KDM6B: variants seen among roughly 807,000 people sequenced by gnomAD.
The protein encoded by KDM6B is lysine demethylase 6B, also known as lysine-specific demethylase 6B.
KDM6B carries 22 observed loss-of-function variants against 150.4 expected under a neutral mutation model. That is an observed-to-expected ratio of 0.15 (90% CI 0.10 to 0.21). KDM6B has a LOEUF of 0.21. Among genes scored for constraint, KDM6B ranks in the 10% least tolerant of loss-of-function variants. The probability of loss-of-function intolerance (pLI) is 1.00; values close to 1 mark genes in which losing one functional copy is unlikely to be tolerated. For missense variants in KDM6B, 1,984 were observed against 2,234.3 expected (o/e 0.89, Z 2.26); for synonymous variants, 1,148 against 921.1 (o/e 1.25, Z -4.46).
In KDM6B at chr17:7,851,711, C is replaced by T. The variant is rs374391980; in HGVS notation, c.4080C>T (p.Gly1360=). The T allele has an allele frequency of 4.9e-5, 76 of 1,563,496 alleles. No homozygotes were observed. Among genetic ancestry groups the T allele is most frequent in the Non-Finnish European group, 5.8e-5 (67 of 1,154,736 alleles). The change falls in exon 18 of 24, where the codon GGC becomes GGT. Residue 1360 remains glycine, a synonymous_variant. Coordinates refer to ENST00000448097, the MANE Select transcript of KDM6B (RefSeq NM_001348716.2). ...CCTTCATGCGGGTAACATCCACGGG[C>T]AACATGCTGAGCCACGTGGGCCACA... ...LPAFMRVTST[G]NMLSHVGHTI... is the part of the protein sequence containing the mutation.
At position 7,843,816 on chromosome 17, in the gene KDM6B, G is replaced by A. The variant is rs942534770; in HGVS notation, c.-268-1085G>A. ...GACGCCGGGTAGGCAAGGAGGAGGC[G>A]CGGGGACGCAGCTCCTGGGCTCAGA... On this transcript the variant is annotated intron_variant, in intron 2 of 23. Coordinates refer to ENST00000448097, the MANE Select transcript of KDM6B (RefSeq NM_001348716.2). The surrounding 1 kb of genome is among the most constrained non-coding windows in gnomAD (Gnocchi z 4.5). 6.6e-6 allele frequency among the ~76,000 whole-genome samples: 1 copy of A among 152,148 alleles called. No homozygotes were observed. Among genetic ancestry groups the A allele is most frequent in the African/African-American group, 2.4e-5 (1 of 41,436 alleles).
In KDM6B at chr17:7,847,428, G is replaced by C. The variant is rs1398547191; in HGVS notation, c.1233G>C (p.Arg411=). Residue 411 remains arginine (R), a synonymous_variant, in exon 11 of 24, where the codon CGG becomes CGC. Transcript: ENST00000448097. ...SSSSSSNTGL[R]GVEPNPGIPG... ...GCAGCAGCAGCAACACTGGTCTCCG[G>C]GGCGTGGAGCCGAACCCAGGCATTG... 6.2e-7 allele frequency: 1 copy of C among 1,613,642 alleles called. No individual in the cohort carries two copies. Among genetic ancestry groups the C allele is most frequent in the Non-Finnish European group, 8.5e-7 (1 of 1,179,940 alleles).
Position 7,848,743 on chromosome 17 carries a change from C to T in KDM6B, c.2455C>T (p.Arg819Trp), listed in dbSNP as rs202234496. 1.6e-5 allele frequency: 26 copies of T among 1,612,890 alleles called. No homozygotes were observed. The highest frequency in any genetic ancestry group is 6.6e-5 in the South Asian group (6 of 91,070). The change falls in exon 12 of 24, where the codon CGG (arginine) becomes TGG (tryptophan). Residue 819 changes from arginine to tryptophan, a missense_variant. Physicochemically the swap from Arg to Trp is moderately radical, Grantham distance 101. Transcript: ENST00000448097. ...SVLEGQKYCY[R>W]GTGAAVSTRP... The stretch of plus-strand genomic sequence containing the variant: ...GCTGGAGGGACAAAAGTACTGTTAT[C>T]GGGGGACTGGAGCAGCTGTTTCCAC...
chr17:7,842,145 G>A (rs1312463776), intron 2 of KDM6B, among the ~76,000 whole-genome samples: 2 of 152,240 alleles, frequency 1.3e-5, no homozygotes, highest in African/African-American at 4.8e-5. Context: ...GCTGCGCGGA[G>A]GGGCTCCTCG....
intron 18 of KDM6B, 41 bp from the exon 19 acceptor site, chr17:7,851,910 C>G (rs1288487627): frequency 4.4e-6 from 7 of 1,607,924 alleles, no homozygotes; most frequent in Non-Finnish European, 5.9e-6. Context: ...GATCGCAGTT[C>G]CGACCTGGCC....
chr17:7,845,707 CCT>C lies in KDM6B; in HGVS notation c.137+19_137+20del, dbSNP rs2078518571. 1 of 1,614,084 alleles carries C rather than the reference CCT, an allele frequency of 6.2e-7. No homozygotes were observed. The highest frequency in any genetic ancestry group is 1.3e-5 in the African/African-American group (1 of 75,044). ...CTGGAGGCAGGTGAGAAGTTGGGGC[CCT>C]CTGTCTCCAGGCACACCTCTTTCCA... On this transcript the variant is annotated intron_variant, in intron 5 of 23. Transcript: ENST00000448097.
At position 7,849,393 on chromosome 17, in the gene KDM6B, G is replaced by A; in HGVS notation, c.3105G>A (p.Arg1035=). The change falls in exon 12 of 24, where the codon CGG becomes CGA. Residue 1035 remains arginine (R), a synonymous_variant. Coordinates refer to ENST00000448097, the MANE Select transcript of KDM6B (RefSeq NM_001348716.2). ...SEEIQGREKS[R]PDLGGASKAK... is the part of the protein sequence containing the mutation. ...AGATCCAGGGTCGTGAGAAGTCCCG[G>A]CCCGATCTTGGCGGGGCCTCCAAGG... The A allele has an allele frequency of 6.2e-7, 1 of 1,610,968 alleles. No homozygotes were observed.
At chr17:7,835,829 C>T (rs1567780611) in intron 1 of KDM6B, among the ~76,000 whole-genome samples, 2 of 149,548 alleles carry the variant, frequency 1.3e-5, no homozygotes, top group Admixed American at 6.6e-5. Flanking sequence ...CTCGTGGAGT[C>T]TGTGTAAAGC....
At chr17:7,850,678 T>C (rs1353511354) in intron 14 of KDM6B, among the ~76,000 whole-genome samples, 1 of 88,128 alleles carries the variant, frequency 1.1e-5, no homozygotes, top group Non-Finnish European at 2.3e-5. Flanking sequence ...CTGTTTTGAC[T>C]AGACTCCAAA....
rs748469270 is a variant in KDM6B at position 7,849,582 on chromosome 17, G to C, written c.3294G>C (p.Gly1098=). The C allele has an allele frequency of 2.4e-5, 39 of 1,612,482 alleles. No homozygotes were observed. Among genetic ancestry groups the C allele is most frequent in the Middle Eastern group, 3.3e-4 (2 of 6,084 alleles). Residue 1098 remains glycine (G), a synonymous_variant, in exon 12 of 24, where the codon GGG becomes GGC. Coordinates refer to ENST00000448097, the MANE Select transcript of KDM6B (RefSeq NM_001348716.2). ...DMLKLRSLSE[G]PPKELKIRLI... ...TGAAGCTGCGCTCACTTAGTGAGGG[G>C]CCCCCCAAGGAGCTGAAGATCCGGC... is the stretch of plus-strand genomic sequence containing the variant.
At chr17:7,850,954 G>A in intron 14 of KDM6B, 67 bp from the exon 15 acceptor site, 1 of 1,396,840 alleles carries the variant, frequency 7.2e-7, no homozygotes, top group Middle Eastern at 2.0e-4. Context: ...AAGGGAAAGG[G>A]TCGATTGGGT....
In KDM6B at chr17:7,851,988, C is replaced by A. The variant is rs751039455; in HGVS notation, c.4203C>A (p.Ile1401=). 1.2e-5 allele frequency: 19 copies of A among 1,613,984 alleles called. 1 individual carries two copies. The highest frequency in any genetic ancestry group is 1.6e-4 in the Middle Eastern group (1 of 6,084). The change falls in exon 19 of 24, where the codon ATC becomes ATA. Residue 1401 remains isoleucine (I), a synonymous_variant. Transcript: ENST00000448097. ...ATAACAACTTCTGCTCCGTCAACAT[C>A]AACATTGGCCCAGGCGACTGCGAGT... is the stretch of plus-strand genomic sequence containing the variant. The part of the protein sequence containing the change: ...QENNNFCSVN[I]NIGPGDCEWF...
rs367800263 is a variant in KDM6B at position 7,849,067 on chromosome 17, C to T, written c.2779C>T (p.Arg927Trp). Residue 927 changes from arginine (R) to tryptophan (W), a missense_variant, in exon 12 of 24, where the codon CGG (arginine) becomes TGG (tryptophan). By Grantham distance (101) the Arg-to-Trp change is moderately radical. This residue lies in a region of KDM6B where 1,379 missense variants were observed against 1,275.6 expected (regional missense o/e 1.08). Transcript: ENST00000448097. Reference sequence around the variant, plus strand: ...CCGGGCTTGCGAGACCCTTGTGGAGCGGGTGGGCCGGAGTGCCACTGACCC... The same window carrying T: ...CCGGGCTTGCGAGACCCTTGTGGAGTGGGTGGGCCGGAGTGCCACTGACCC... ...ISRACETLVE[R>W]VGRSATDPAD... The T allele has an allele frequency of 3.7e-5, 59 of 1,611,872 alleles. No homozygotes were observed. Among genetic ancestry groups the T allele is most frequent in the Non-Finnish European group, 4.3e-5 (51 of 1,179,808 alleles).
rs2078470754 is a variant in KDM6B, at chr17:7,843,863, G to A, written c.-268-1038G>A. 6.6e-6 allele frequency among the ~76,000 whole-genome samples: 1 copy of A among 152,136 alleles called. No homozygotes were observed. The highest frequency in any genetic ancestry group is 1.5e-5 in the Non-Finnish European group (1 of 68,014). ...CAGAGAGGCGAGAAGGAAGAGCTGG[G>A]GCTAAAGGGAAGGTGCCCAAGAGAG... On this transcript the variant is annotated intron_variant, in intron 2 of 23. Transcript: ENST00000448097. This position sits in a 1 kb window ranked among gnomAD's most constrained non-coding sequence, Gnocchi z 4.5.
chr17:7,846,371 G>GGGGGGGCCCCCCCCC, intron 7 of KDM6B, 29 bp from the exon 8 acceptor site: 1 of 1,488,898 alleles, frequency 6.7e-7, no homozygotes, highest in Non-Finnish European at 9.2e-7. Flanking sequence ...CCTGACATCT[G>GGGGGGGCCCCCCCCC]CCCCTGCCCC....
Position 7,852,170 on chromosome 17 carries a change from G to T in KDM6B, c.4302G>T (p.Thr1434=), listed in dbSNP as rs368046343. 6.2e-5 allele frequency: 100 copies of T among 1,614,000 alleles called. No homozygotes were observed. Among genetic ancestry groups the T allele is most frequent in the Non-Finnish European group, 8.1e-5 (95 of 1,180,048 alleles). The change falls in exon 20 of 24, where the codon ACG becomes ACT. Residue 1434 remains threonine (T), a synonymous_variant. Transcript: ENST00000448097. ...FCDRHGVDYL[T]GSWWPILDDL... ...GCAGGCACGGCGTGGACTACTTGAC[G>T]GGTTCCTGGTGGCCAATCCTGGATG... is the stretch of plus-strand genomic sequence containing the variant.
chr17:7,846,371 G>GGGCCGGGCCCGGGGGCCCCCCCC, intron 7 of KDM6B, 29 bp from the exon 8 acceptor site: 3 of 1,488,908 alleles, frequency 2.0e-6, no homozygotes, highest in Non-Finnish European at 2.8e-6. Context: ...CCTGACATCT[G>GGGCCGGGCCCGGGGGCCCCCCCC]CCCCTGCCCC....
Position 7,845,647 on chromosome 17 carries a change from C to T in KDM6B, c.93C>T (p.Cys31=). ...GLSCAGAWSS[C]PPHPPPRSAW... ...GCTGTGCTGGGGCCTGGAGCTCCTG[C>T]CCGCCTCATCCCCCTCCTCGTAGCG... Residue 31 remains cysteine, a synonymous_variant, in exon 5 of 24, where the codon TGC becomes TGT. Coordinates refer to ENST00000448097, the MANE Select transcript of KDM6B (RefSeq NM_001348716.2). The T allele has an allele frequency of 6.2e-7, 1 of 1,614,162 alleles. No individual in the cohort carries two copies. Among genetic ancestry groups the T allele is most frequent in the African/African-American group, 1.3e-5 (1 of 75,062 alleles).
At position 7,845,536 on chromosome 17, in the gene KDM6B, T is replaced by C; in HGVS notation, c.-5-14T>C. 1 of 1,614,068 alleles carries C rather than the reference T, an allele frequency of 6.2e-7. No individual in the cohort carries two copies. Among genetic ancestry groups the C allele is most frequent in the Non-Finnish European group, 8.5e-7 (1 of 1,180,012 alleles). ...TGCCTCCAGTAAGAGCATAATTTCT[T>C]ATCCCCAACTCAGGCTGGATGCATC... On this transcript the variant is annotated splice_polypyrimidine_tract_variant and intron_variant, in intron 4 of 23. Transcript: ENST00000448097.
Sources: allele counts gnomAD v4.1 joint callset (sites outside exome capture counted in the v4.1 genomes callset), GRCh38; gene constraint gnomAD v4.1.1; regional missense constraint gnomAD v4.1.1; non-coding constraint Gnocchi (gnomAD v3.1); transcripts MANE v1.5; gene names NCBI Gene and HGNC (gene_info 2026-07-23, HGNC 2026-07-21).